Variants in CNTNAP2 observed in about 807,000 individuals in gnomAD.
CNTNAP2 encodes contactin associated protein 2, also known as contactin-associated protein-like 2.
A neutral mutation model predicts 155.2 loss-of-function variants in CNTNAP2; 98 were observed. The observed-to-expected ratio is 0.63, with a 90% CI of 0.54 to 0.75. The LOEUF (loss-of-function observed/expected upper bound fraction) is 0.75, where lower values mean the gene tolerates loss of function less well. Ranked by LOEUF, CNTNAP2 falls within the 30% of genes least tolerant of loss-of-function variation. The pLI is 0.00. For synonymous variants in CNTNAP2, 651 were observed against 631.2 expected (o/e 1.03, Z -0.47); for missense variants, 1,727 against 1,688.1 (o/e 1.02, Z -0.40).
intron 5 of CNTNAP2, among the ~76,000 whole-genome samples, chr7:147,116,650 A>ATC (rs1430892522): frequency 2.0e-5 from 3 of 152,182 alleles, no homozygotes; most frequent in Non-Finnish European, 4.4e-5. Flanking sequence ...GGACTCTCCA[A>ATC]AGCCCACAGG....
chr7:147,296,741 A>C lies in CNTNAP2; in HGVS notation c.1349-3400A>C, dbSNP rs545964581. The stretch of plus-strand genomic sequence containing the variant: ...ATTTGACATTGGTCCAATAAATGCA[A>C]TCTGGGAGAGGGGAGGTGAGACAAG... On this transcript the variant is annotated intron_variant, in intron 8 of 23. Transcript: ENST00000361727. 3.3e-5 allele frequency among the ~76,000 whole-genome samples: 5 copies of C among 152,258 alleles called. No homozygotes were observed. The East Asian group carries it at 9.7e-4, about 29-fold the overall frequency.
In CNTNAP2 at chr7:146,372,834, A is replaced by C. The variant is rs145802151; in HGVS notation, c.97+255861A>C. Among the ~76,000 whole-genome samples, 389 of 152,302 alleles carry C rather than the reference A, an allele frequency of 2.6e-3. 1 individual carries two copies. Among genetic ancestry groups the C allele is most frequent in the African/African-American group, 8.4e-3 (348 of 41,572 alleles). ...CCAAAAAGAAGGCAATTGGAAAGCA[A>C]TGGAGGTACAGAAAAACTCTTTTCC... On this transcript the variant is annotated intron_variant, in intron 1 of 23. Coordinates refer to ENST00000361727, the MANE Select transcript of CNTNAP2 (RefSeq NM_014141.6).
At chr7:148,354,436 T>TG (rs1428609696) in intron 21 of CNTNAP2, among the ~76,000 whole-genome samples, 1 of 152,096 alleles carries the variant, frequency 6.6e-6, no homozygotes, top group Non-Finnish European at 1.5e-5. Context: ...GAAATCATTT[T>TG]GGGGAGCCCT....
At chr7:147,612,458 T>C (rs1021455919) in intron 12 of CNTNAP2, among the ~76,000 whole-genome samples, 4 of 150,772 alleles carry the variant, frequency 2.7e-5, no homozygotes, top group Non-Finnish European at 4.4e-5. Flanking sequence ...TAGAGTGCAG[T>C]GGCCTGATCT....
intron 18 of CNTNAP2, among the ~76,000 whole-genome samples, chr7:148,195,018 T>C (rs1585180448): frequency 2.6e-5 from 4 of 152,334 alleles, no homozygotes; most frequent in Admixed American, 2.6e-4. Flanking sequence ...AGCATATATA[T>C]GATCAGCACT....
At chr7:146,522,935 C>T (rs1797635452) in intron 1 of CNTNAP2, among the ~76,000 whole-genome samples, 1 of 151,616 alleles carries the variant, frequency 6.6e-6, no homozygotes, top group Admixed American at 6.6e-5. Context: ...ATAGGCATCT[C>T]AAGGAAGAAA....
Position 148,364,892 on chromosome 7 carries a change from C to G in CNTNAP2, c.3476-18757C>G, listed in dbSNP as rs148451820. 1.0e-2 allele frequency among the ~76,000 whole-genome samples: 1,521 copies of G among 152,296 alleles called. 27 individuals are homozygous for G. Among genetic ancestry groups the G allele is most frequent in the African/African-American group, 0.035 (1,438 of 41,564 alleles). On this transcript the variant is annotated intron_variant, in intron 21 of 23. Transcript: ENST00000361727. Reference sequence around the variant, plus strand: ...TGCTACTGCTCGCCCTTTGGGTCCACGCTGCTTTTATGAGCTGTAACACTC... The same window carrying G: ...TGCTACTGCTCGCCCTTTGGGTCCAGGCTGCTTTTATGAGCTGTAACACTC...
At chr7:146,771,977 T>G (rs1380465704) in intron 1 of CNTNAP2, among the ~76,000 whole-genome samples, 1 of 152,134 alleles carries the variant, frequency 6.6e-6, no homozygotes, top group Non-Finnish European at 1.5e-5. Context: ...ATATGAGATC[T>G]TGCTTCCAGA....
chr7:147,176,687 A>AATAGAAATATATAATATATATT (rs71182182), intron 8 of CNTNAP2, among the ~76,000 whole-genome samples: 10,186 of 63,066 alleles, frequency 0.16, 468 homozygotes, highest in Non-Finnish European at 0.23. Context: ...TATAATATAT[A>AATAGAAATATATAATATATATT]ATAGAATTAT....
chr7:147,054,995 A>G (rs1053076333), intron 4 of CNTNAP2, among the ~76,000 whole-genome samples: 1 of 152,144 alleles, frequency 6.6e-6, no homozygotes, highest in Non-Finnish European at 1.5e-5. Flanking sequence ...TTGGCTGGAC[A>G]GGAGGAGTTA....
chr7:146,139,704 G>A (rs1489060029), intron 1 of CNTNAP2, among the ~76,000 whole-genome samples: 1 of 151,970 alleles, frequency 6.6e-6, no homozygotes, highest in Non-Finnish European at 1.5e-5. Context: ...TTGCACAAAT[G>A]TAATATGTCT....
chr7:147,663,142 G>A (rs1179516755), intron 13 of CNTNAP2, among the ~76,000 whole-genome samples: 1 of 151,768 alleles, frequency 6.6e-6, no homozygotes, highest in East Asian at 2.0e-4. Context: ...GGGATTACAG[G>A]TGCCCACAAC....
chr7:146,848,482 T>C (rs560839957), intron 3 of CNTNAP2, among the ~76,000 whole-genome samples: 1 of 152,294 alleles, frequency 6.6e-6, no homozygotes, highest in African/African-American at 2.4e-5. Flanking sequence ...GCTAAACATA[T>C]ACAATTATAA....
intron 1 of CNTNAP2, among the ~76,000 whole-genome samples, chr7:146,143,025 C>G (rs1027355240): frequency 6.6e-6 from 1 of 152,132 alleles, no homozygotes; most frequent in African/African-American, 2.4e-5. Flanking sequence ...AATCAAGCCT[C>G]TCAAATGATT....
At chr7:147,671,562 A>G (rs1218697851) in intron 13 of CNTNAP2, 1 of 152,200 alleles carries the variant, frequency 6.6e-6, no homozygotes, top group Non-Finnish European at 1.5e-5. Flanking sequence ...CTTTATAATG[A>G]GAATTATGAA....
In CNTNAP2 at chr7:146,438,840, T is replaced by C. The variant is rs192816921; in HGVS notation, c.97+321867T>C. On this transcript the variant is annotated intron_variant, in intron 1 of 23. Transcript: ENST00000361727. ...TGGACACCAGGGAATACTGGAAAAA[T>C]AGGGATTCATTTTGCTATCTAGTTC... Among the ~76,000 whole-genome samples the C allele has an allele frequency of 2.0e-4, 30 of 151,590 alleles. No individual in the cohort carries two copies. In the East Asian group the frequency reaches 5.8e-3, roughly 29 times the overall value.
chr7:146,752,281 G>A (rs930234467), intron 1 of CNTNAP2, among the ~76,000 whole-genome samples: 7 of 152,134 alleles, frequency 4.6e-5, no homozygotes, highest in Non-Finnish European at 4.4e-5. Flanking sequence ...AGCCTTGCCA[G>A]CATCTATTGT....
rs71188946 is a variant in CNTNAP2, at chr7:148,109,351, GTGTTTTGTTTTGTTT to G, written c.2384-8731_2384-8717del. On this transcript the variant is annotated intron_variant, in intron 15 of 23. Coordinates refer to ENST00000361727, the MANE Select transcript of CNTNAP2 (RefSeq NM_014141.6). Reference sequence around the variant, plus strand: ...GCAGATGAACTGGGAAAGAAGAGAGGTGTTTTGTTTTGTTTTGTTTTGTTTTGTTTTGTTTTGTTT... The same window carrying G: ...GCAGATGAACTGGGAAAGAAGAGAGGTGTTTTGTTTTGTTTTGTTTTGTTT... Among the ~76,000 whole-genome samples the G allele has an allele frequency of 7.5e-3, 1,102 of 147,098 alleles. 38 individuals are homozygous for G. In the East Asian group the frequency reaches 0.11, roughly 15 times the overall value.
intron 21 of CNTNAP2, among the ~76,000 whole-genome samples, chr7:148,301,716 A>T (rs1412559222): frequency 6.6e-6 from 1 of 152,280 alleles, no homozygotes; most frequent in East Asian, 1.9e-4. Flanking sequence ...TCGGATGTGG[A>T]TCTGTGCCAG....
Sources: allele counts gnomAD v4.1 joint callset (sites outside exome capture counted in the v4.1 genomes callset), GRCh38; gene constraint gnomAD v4.1.1; transcripts MANE v1.5; gene names NCBI Gene and HGNC (gene_info 2026-07-23, HGNC 2026-07-21).